Variants in GRID2 observed in about 807,000 individuals in gnomAD.
The protein encoded by GRID2 is glutamate ionotropic receptor delta type subunit 2.
Under a neutral mutation model 114.8 loss-of-function variants are expected in GRID2, and 33 were observed. That is an observed-to-expected ratio of 0.29 (90% CI 0.22 to 0.38). The LOEUF is 0.38. GRID2 is among the 10% of genes least tolerant of loss of function. GRID2 has a pLI of 1.00. For synonymous variants in GRID2, 505 were observed against 449.9 expected (o/e 1.12, Z -1.55); for missense variants, 1,184 against 1,257.7 (o/e 0.94, Z 0.89).
intron 2 of GRID2, among the ~76,000 whole-genome samples, chr4:92,746,315 A>C (rs1737146204): frequency 6.6e-6 from 1 of 152,134 alleles, no homozygotes; most frequent in Non-Finnish European, 1.5e-5. Flanking sequence ...TATAACTTTT[A>C]AAATATATTT....
In GRID2 at chr4:93,455,765, G is replaced by C. The variant is rs550165966; in HGVS notation, c.1649G>C (p.Arg550Pro). The C allele has an allele frequency of 4.3e-6, 7 of 1,612,800 alleles. No individual in the cohort carries two copies. Among genetic ancestry groups the C allele is most frequent in the Non-Finnish European group, 5.1e-6 (6 of 1,178,926 alleles). ...GACTACTCAGTGGGGGTACTACTTCGAAGGGCTGAAAAGACAGTGGATATG... is the reference window on the plus strand; with the variant it reads ...GACTACTCAGTGGGGGTACTACTTCCAAGGGCTGAAAAGACAGTGGATATG... ...YMDYSVGVLL[R>P]RAEKTVDMFA... Residue 550 changes from arginine (R) to proline (P), a missense_variant, in exon 11 of 16, where the codon CGA (arginine) becomes CCA (proline). This residue lies in a region of GRID2 where 717 missense variants were observed against 796.9 expected (regional missense o/e 0.90). Transcript: ENST00000282020.
intron 1 of GRID2, among the ~76,000 whole-genome samples, chr4:92,404,220 A>G (rs1466465726): frequency 6.6e-6 from 1 of 152,174 alleles, no homozygotes; most frequent in African/African-American, 2.4e-5. Flanking sequence ...ATTTTTTTCC[A>G]AAAAGAAATT....
intron 1 of GRID2, among the ~76,000 whole-genome samples, chr4:92,428,037 C>T (rs973986539): frequency 4.6e-5 from 7 of 151,920 alleles, no homozygotes; most frequent in Admixed American, 2.6e-4. Flanking sequence ...CTGAGGCGGG[C>T]GGATCATGAG....
intron 2 of GRID2, among the ~76,000 whole-genome samples, chr4:92,941,311 C>T (rs1448883584): frequency 6.6e-6 from 1 of 152,120 alleles, no homozygotes; most frequent in African/African-American, 2.4e-5. Context: ...GTGTATGTGT[C>T]AAGGAATTTA....
Position 92,935,317 on chromosome 4 carries a change from A to C in GRID2, c.245-149678A>C, listed in dbSNP as rs541489566. ...TATCACTGGCCATCAGAGAAATGCA[A>C]ATCAAAACCACAATGAGATACCATC... On this transcript the variant is annotated intron_variant, in intron 2 of 15. Transcript: ENST00000282020. 3.4e-5 allele frequency among the ~76,000 whole-genome samples: 5 copies of C among 147,462 alleles called. 1 individual carries two copies. Among genetic ancestry groups the C allele is most frequent in the East Asian group, 4.3e-4 (2 of 4,658 alleles).
intron 14 of GRID2, among the ~76,000 whole-genome samples, chr4:93,688,328 G>C (rs1049363469): frequency 2.0e-5 from 3 of 151,680 alleles, no homozygotes; most frequent in Non-Finnish European, 4.4e-5. Flanking sequence ...TCTTCTACTT[G>C]TTCCTGTTAT....
Position 93,186,508 on chromosome 4 carries a change from G to A in GRID2, c.736-20896G>A, listed in dbSNP as rs761768792. Among the ~76,000 whole-genome samples the A allele has an allele frequency of 7.2e-5, 11 of 151,892 alleles. No individual in the cohort carries two copies. In the East Asian group the frequency reaches 7.7e-4, roughly 11 times the overall value. The stretch of plus-strand genomic sequence containing the variant: ...CCTGTGTACTCAGAAAAAAAGTGCC[G>A]TACATATAAAACTAATAATGTAATA... On this transcript the variant is annotated intron_variant, in intron 4 of 15. Transcript: ENST00000282020.
At chr4:93,254,242 TATA>T (rs1749317229) in intron 8 of GRID2, among the ~76,000 whole-genome samples, 1 of 152,222 alleles carries the variant, frequency 6.6e-6, no homozygotes, top group South Asian at 2.1e-4. Flanking sequence ...TAAATCCTGT[TATA>T]ATAGTAAAAT....
chr4:93,745,127 G>A (rs957992774), intron 14 of GRID2, among the ~76,000 whole-genome samples: 5 of 152,140 alleles, frequency 3.3e-5, no homozygotes, highest in African/African-American at 9.7e-5. Flanking sequence ...GTCCTGAACT[G>A]AACCTGCAAT....
intron 4 of GRID2, among the ~76,000 whole-genome samples, chr4:93,125,279 T>C (rs141824567): frequency 3.1e-3 from 474 of 152,148 alleles, no homozygotes; most frequent in Middle Eastern, 6.8e-3. Flanking sequence ...ATGCAAAGTT[T>C]TGCATATTGG....
At chr4:92,411,709 TG>T (rs1322603691) in intron 1 of GRID2, among the ~76,000 whole-genome samples, 1 of 142,602 alleles carries the variant, frequency 7.0e-6, no homozygotes, top group Non-Finnish European at 1.5e-5. Context: ...TTCTTTTTTT[TG>T]TTTTTTTGTT....
intron 2 of GRID2, among the ~76,000 whole-genome samples, chr4:92,996,330 T>TTATTTCGA (rs1203227214): frequency 1.3e-5 from 2 of 151,972 alleles, no homozygotes; most frequent in African/African-American, 4.8e-5. Flanking sequence ...AATAATAATC[T>TTATTTCGA]TATTTCGATG....
At chr4:93,227,329 G>C (rs1176386880) in intron 7 of GRID2, among the ~76,000 whole-genome samples, 1 of 152,190 alleles carries the variant, frequency 6.6e-6, no homozygotes, top group South Asian at 2.1e-4. Flanking sequence ...CCGGGTTCAA[G>C]TGATTCTCCA....
At chr4:93,413,519 T>A (rs1767413476) in intron 9 of GRID2, among the ~76,000 whole-genome samples, 1 of 151,950 alleles carries the variant, frequency 6.6e-6, no homozygotes, top group African/African-American at 2.4e-5. Flanking sequence ...AAGTAGTGCA[T>A]GAGAAAGTCT....
intron 2 of GRID2, among the ~76,000 whole-genome samples, chr4:93,044,503 A>G (rs1225047835): frequency 5.9e-5 from 9 of 152,326 alleles, no homozygotes; most frequent in Middle Eastern, 3.4e-3. Context: ...AGCATTTATA[A>G]GGAATAAATG....
intron 14 of GRID2, among the ~76,000 whole-genome samples, chr4:93,668,150 T>G (rs79345465): frequency 0.017 from 2,560 of 152,112 alleles, 79 homozygotes; most frequent in African/African-American, 0.059. Flanking sequence ...TGTCAGATAA[T>G]TTTTATAATT....
At chr4:93,422,635 T>C in intron 9 of GRID2, 136 bp from the exon 10 acceptor site, 1 of 609,634 alleles carries the variant, frequency 1.6e-6, no homozygotes, top group Non-Finnish European at 2.9e-6. Flanking sequence ...TAATAATGCA[T>C]AAGTTATATT....
intron 1 of GRID2, among the ~76,000 whole-genome samples, chr4:92,547,624 C>T (rs1243186477): frequency 1.3e-5 from 2 of 151,726 alleles, no homozygotes; most frequent in South Asian, 2.1e-4. Context: ...AAATACAGGA[C>T]TTATATTGTT....
intron 1 of GRID2, among the ~76,000 whole-genome samples, chr4:93,782,339 A>G (rs930757857): frequency 6.6e-6 from 1 of 152,158 alleles, no homozygotes; most frequent in African/African-American, 2.4e-5. Context: ...TAGCCCAAAC[A>G]TTAAAAATAC....
Sources: gnomAD v4.1 joint callset for allele counts (sites outside exome capture counted in the v4.1 genomes callset) on GRCh38, gnomAD v4.1.1 for gene constraint, gnomAD v4.1.1 regional missense constraint, MANE v1.5 for transcripts, NCBI Gene and HGNC (gene_info 2026-07-23, HGNC 2026-07-21) for gene names.